Variants in CARF observed in about 807,000 individuals in gnomAD.
CARF encodes the protein calcium responsive transcription factor.
Under a neutral mutation model 82.0 loss-of-function variants are expected in CARF, and 57 were observed. That is an observed-to-expected ratio of 0.70 (90% CI 0.56 to 0.87). CARF has a LOEUF of 0.87. Ranked by LOEUF, CARF falls within the 40% of genes least tolerant of loss-of-function variation. The probability of loss-of-function intolerance (pLI) is 0.00; values close to 1 mark genes in which losing one functional copy is unlikely to be tolerated. For synonymous variants in CARF, 268 were observed against 290.1 expected (o/e 0.92, Z 0.77); for missense variants, 771 against 855.8 (o/e 0.90, Z 1.24).
Position 202,961,435 on chromosome 2 carries a change from T to G in CARF, c.832+9T>G. On this transcript the variant is annotated intron_variant, in intron 9 of 16. Coordinates refer to ENST00000438828, the MANE Select transcript of CARF (RefSeq NM_024744.17). ...CCCATTTGTTAATGCAGGTACTTTT[T>G]TAAAGAATTATTTTAAAAGGTTCAG... The G allele has an allele frequency of 1.2e-6, 2 of 1,611,662 alleles. No individual in the cohort carries two copies. Among genetic ancestry groups the G allele is most frequent in the Non-Finnish European group, 8.5e-7 (1 of 1,177,766 alleles).
rs770978007 is a variant in CARF at position 202,942,026 on chromosome 2, C to T, written c.78+46C>T. The T allele has an allele frequency of 2.8e-6, 4 of 1,437,028 alleles. No individual in the cohort carries two copies. In the East Asian group the frequency reaches 9.1e-5, roughly 33 times the overall value. 89.0% of individuals were successfully genotyped at this position (1,437,028 alleles called of 1,614,324 possible). ...CTTTTTCCATCCTAGGGTAAAACAG[C>T]ATGCCATTTAACAGCTCTTTATGCT... On this transcript the variant is annotated intron_variant, in intron 4 of 16. Coordinates refer to ENST00000438828, the MANE Select transcript of CARF (RefSeq NM_024744.17).
intron 5 of CARF, among the ~76,000 whole-genome samples, chr2:202,948,745 GAC>G (rs2058618384): frequency 6.6e-6 from 1 of 152,144 alleles, no homozygotes; most frequent in African/African-American, 2.4e-5. Context: ...AGAGCTTTTG[GAC>G]GGAGAATATG....
intron 6 of CARF, 133 bp downstream of exon 6, chr2:202,952,812 A>G (rs1371929216): frequency 2.3e-6 from 2 of 875,160 alleles, no homozygotes; most frequent in Non-Finnish European, 3.2e-6. Context: ...TAATTAGAAA[A>G]CAGCTCTTTG....
At chr2:202,947,999 A>T (rs1462905375) in intron 5 of CARF, among the ~76,000 whole-genome samples, 2 of 151,994 alleles carry the variant, frequency 1.3e-5, no homozygotes, top group Non-Finnish European at 2.9e-5. Flanking sequence ...TTATATTTAA[A>T]TCTTTAGTCT....
At chr2:202,914,779 C>CAAAAAA (rs1251429747) in intron 1 of CARF, among the ~76,000 whole-genome samples, 2 of 41,134 alleles carry the variant, frequency 4.9e-5, no homozygotes, top group Admixed American at 2.9e-4. Flanking sequence ...AACTCCATCT[C>CAAAAAA]AAAAAAAAAA....
At chr2:202,921,536 ATATAGT>A (rs1371412997) in intron 2 of CARF, among the ~76,000 whole-genome samples, 1 of 152,226 alleles carries the variant, frequency 6.6e-6, no homozygotes, top group Non-Finnish European at 1.5e-5. Flanking sequence ...AAAAATTCAG[ATATAGT>A]TATAAAACAC....
At chr2:202,952,024 G>C (rs538525553) in intron 5 of CARF, among the ~76,000 whole-genome samples, 1 of 152,036 alleles carries the variant, frequency 6.6e-6, no homozygotes, top group Non-Finnish European at 1.5e-5. Context: ...GTGGAGACAG[G>C]GTTTCACCAT....
At chr2:202,932,696 A>G (rs969990535) in intron 3 of CARF, among the ~76,000 whole-genome samples, 5 of 152,160 alleles carry the variant, frequency 3.3e-5, no homozygotes, top group African/African-American at 1.2e-4. Flanking sequence ...ATGGTGGAGT[A>G]CAACTGTTGT....
chr2:202,920,936 A>G (rs890041936), intron 2 of CARF, among the ~76,000 whole-genome samples: 5 of 152,198 alleles, frequency 3.3e-5, no homozygotes, highest in Non-Finnish European at 7.3e-5. Flanking sequence ...AAGTCAGTCA[A>G]TAAATAATAG....
At chr2:202,956,135 G>T in intron 8 of CARF, among the ~76,000 whole-genome samples, 1 of 145,526 alleles carries the variant, frequency 6.9e-6, no homozygotes, top group African/African-American at 2.6e-5. Context: ...TTCTGACTTT[G>T]TCTTTTTTCT....
intron 12 of CARF, among the ~76,000 whole-genome samples, chr2:202,972,674 TAAAAAAA>T (rs35376227): frequency 2.2e-3 from 227 of 103,010 alleles, no homozygotes; most frequent in South Asian, 3.0e-3. Flanking sequence ...AGACTCCGTC[TAAAAAAA>T]AAAAAAAAAA....
chr2:202,957,046 C>T (rs746241546), intron 8 of CARF, among the ~76,000 whole-genome samples: 1 of 152,180 alleles, frequency 6.6e-6, no homozygotes, highest in South Asian at 2.1e-4. Context: ...GCCTCAGCCT[C>T]CCAAAGTGCT....
intron 3 of CARF, 47 bp from the exon 4 acceptor site, chr2:202,941,813 C>A: frequency 1.0e-6 from 1 of 999,490 alleles, no homozygotes; most frequent in Non-Finnish European, 1.5e-6. Flanking sequence ...AAACAGTCCA[C>A]AAAAATACTA....
At chr2:202,923,377 C>G (rs546856103) in intron 2 of CARF, among the ~76,000 whole-genome samples, 1 of 152,154 alleles carries the variant, frequency 6.6e-6, no homozygotes, top group Non-Finnish European at 1.5e-5. Context: ...ACCCCTGTTA[C>G]GATAGCTGCA....
chr2:202,972,645 C>G (rs2059840013), intron 12 of CARF, among the ~76,000 whole-genome samples: 1 of 139,362 alleles, frequency 7.2e-6, no homozygotes, highest in South Asian at 2.4e-4. Context: ...CCACTGCACT[C>G]TACCCTGGCT....
At position 202,961,692 on chromosome 2, in the gene CARF, T is replaced by C. The variant is rs537964617; in HGVS notation, c.832+266T>C. 126 of 462,938 alleles carry C rather than the reference T, an allele frequency of 2.7e-4. 2 individuals carry two copies. In the South Asian group the frequency reaches 5.5e-3, roughly 20 times the overall value. 28.7% of individuals were successfully genotyped at this position (462,938 alleles called of 1,614,324 possible). On this transcript the variant is annotated intron_variant, in intron 9 of 16. Transcript: ENST00000438828. ...AATATCGAAGTTTCCATTAAACCTA[T>C]TTAATAAAATGTTAAAAGAGCAATT...
At chr2:202,964,859 T>TTATATA (rs150289443) in intron 9 of CARF, among the ~76,000 whole-genome samples, 2 of 141,548 alleles carry the variant, frequency 1.4e-5, no homozygotes, top group African/African-American at 2.6e-5. Flanking sequence ...TAAGGACTCC[T>TTATATA]TATATATATA....
chr2:202,982,091 G>C lies in CARF; in HGVS notation c.1709G>C (p.Arg570Thr). Residue 570 changes from arginine to threonine, a missense_variant, in exon 16 of 17, where the codon AGG becomes ACG. Arg to Thr is a moderately conservative substitution (Grantham distance 71). Coordinates refer to ENST00000438828, the MANE Select transcript of CARF (RefSeq NM_024744.17). ...TAAAAGGGTTTGCAGTTACAACCAA[G>C]GTACACCTCTCCTGATGAATCACCA... ...TQLQGLQLQP[R>T]YTSPDESPAV... 1.2e-6 allele frequency: 2 copies of C among 1,613,788 alleles called. No homozygotes were observed. Among genetic ancestry groups the C allele is most frequent in the South Asian group, 2.2e-5 (2 of 90,968 alleles).
At chr2:202,981,487 A>G in intron 14 of CARF, 68 bp from the exon 15 acceptor site, 1 of 1,135,884 alleles carries the variant, frequency 8.8e-7, no homozygotes, top group Non-Finnish European at 1.2e-6. Context: ...AAGGGTTGTA[A>G]TAAAGTATTT....
Sources: allele counts gnomAD v4.1 joint callset (sites outside exome capture counted in the v4.1 genomes callset), GRCh38; gene constraint gnomAD v4.1.1; transcripts MANE v1.5; gene names NCBI Gene and HGNC (gene_info 2026-07-23, HGNC 2026-07-21).